TRMT6: variants seen among roughly 807,000 people sequenced by gnomAD.
The protein encoded by TRMT6 is tRNA (adenine(58)-N(1))-methyltransferase non-catalytic subunit TRM6.
In TRMT6, 34 loss-of-function variants were observed where a neutral mutation model predicts 59.0. That is an observed-to-expected ratio of 0.58 (90% CI 0.44 to 0.77). The LOEUF (loss-of-function observed/expected upper bound fraction) is 0.77, where lower values mean the gene tolerates loss of function less well. Ranked by LOEUF, TRMT6 falls within the 30% of genes least tolerant of loss-of-function variation. The pLI is 0.00. For synonymous variants in TRMT6, 217 were observed against 210.5 expected (o/e 1.03, Z -0.27); for missense variants, 575 against 604.5 (o/e 0.95, Z 0.51).
At chr20:5,938,944 CTCTT>C (rs962192857) in intron 10 of TRMT6, among the ~76,000 whole-genome samples, 3 of 139,896 alleles carry the variant, frequency 2.1e-5, no homozygotes, top group Non-Finnish European at 4.6e-5. Context: ...TTCTCTCTCT[CTCTT>C]TCTTTTTAAG....
intron 2 of TRMT6, 140 bp downstream of exon 2, chr20:5,946,266 C>G: frequency 2.0e-6 from 2 of 1,015,998 alleles, no homozygotes; most frequent in Non-Finnish European, 2.9e-6. Context: ...TGCTTCACTC[C>G]ACTGAGCTGC....
At position 5,938,627 on chromosome 20, in the gene TRMT6, T is replaced by A. The variant is rs1364140448; in HGVS notation, c.1402A>T (p.Thr468Ser). Residue 468 changes from threonine (T) to serine (S), a missense_variant, in exon 11 of 11, where the codon ACC (threonine) becomes TCC (serine). Transcript: ENST00000203001. The stretch of plus-strand genomic sequence containing the variant: ...GTGCTTGCATTAGATTTGAGGCTGG[T>A]GTCTGCTTTAAGGTTGTCCATGGCA... ...TVAMDNLKAD[T>S]SLKSNASTLE... 1 of 1,614,220 alleles carries A rather than the reference T, an allele frequency of 6.2e-7. No individual in the cohort carries two copies. Among genetic ancestry groups the A allele is most frequent in the Admixed American group, 1.7e-5 (1 of 60,032 alleles).
intron 3 of TRMT6, among the ~76,000 whole-genome samples, 193 bp downstream of exon 3, chr20:5,944,612 C>T (rs111819164): frequency 1.6e-4 from 25 of 152,184 alleles, no homozygotes; most frequent in African/African-American, 5.5e-4. Flanking sequence ...TTAGTAATGT[C>T]ATTCACTTAT....
At chr20:5,944,414 G>C (rs1052364362) in intron 3 of TRMT6, among the ~76,000 whole-genome samples, 161 bp from the exon 4 acceptor site, 1 of 151,998 alleles carries the variant, frequency 6.6e-6, no homozygotes, top group Non-Finnish European at 1.5e-5. Flanking sequence ...TACTCTATTT[G>C]GAATTTATAA....
intron 1 of TRMT6, among the ~76,000 whole-genome samples, 164 bp downstream of exon 1, chr20:5,950,114 G>A (rs755231293): frequency 6.6e-6 from 1 of 152,096 alleles, no homozygotes; most frequent in Admixed American, 6.5e-5. Context: ...TGGTGGAAAA[G>A]CCTTCTGTGA....
At chr20:5,942,098 C>T (rs1412259365) in intron 7 of TRMT6, 62 bp from the exon 8 acceptor site, 3 of 1,358,620 alleles carry the variant, frequency 2.2e-6, no homozygotes, top group Non-Finnish European at 2.1e-6. Context: ...TATGGAAATG[C>T]TCTGGCCTGT....
In TRMT6 at chr20:5,941,065, G is replaced by A; in HGVS notation, c.1290C>T (p.Leu430=). 6.2e-7 allele frequency: 1 copy of A among 1,614,028 alleles called. No individual in the cohort carries two copies. Reference sequence around the variant, plus strand: ...TAAGAACACGTACCTGATAATTTCTGAGCCAGGTTTCAGACAGCCTGAGGT... The same window carrying A: ...TAAGAACACGTACCTGATAATTTCTAAGCCAGGTTTCAGACAGCCTGAGGT... The part of the protein sequence containing the change: ...VINLRLSETW[L]RNYQVLPDRS... The change falls in exon 10 of 11, where the codon CTC becomes CTT. Residue 430 remains leucine (L), a synonymous_variant. Transcript: ENST00000203001.
At position 5,941,324 on chromosome 20, in the gene TRMT6, G is replaced by C. The variant is rs375555179; in HGVS notation, c.1134C>G (p.Phe378Leu). Residue 378 changes from phenylalanine to leucine, a missense_variant, in exon 9 of 11, where the codon TTC becomes TTG. Transcript: ENST00000203001. Reference protein sequence around the residue: ...NADGLIVASRFHPTPLLLSLL... With the variant: ...NADGLIVASRLHPTPLLLSLL... ...AAGACAGCAGCAGGGGAGTGGGGTG[G>C]AAACGACTAGCTACAATTAAACTGT... 2.5e-6 allele frequency: 4 copies of C among 1,614,060 alleles called. No individual in the cohort carries two copies. The highest frequency in any genetic ancestry group is 3.4e-6 in the Non-Finnish European group (4 of 1,179,996).
rs927639841 is a variant in TRMT6, at chr20:5,942,786, C to T, written c.668G>A (p.Gly223Asp). 5 of 1,609,198 alleles carry T rather than the reference C, an allele frequency of 3.1e-6. No homozygotes were observed. The highest frequency in any genetic ancestry group is 1.1e-5 in the South Asian group (1 of 90,952). Residue 223 changes from glycine (G) to aspartate (D), a missense_variant and splice_region_variant, in exon 7 of 11, where the codon GGT (glycine) becomes GAT (aspartate). Transcript: ENST00000203001. ...GTATAGCTGAATAATGGAGCCAAAACCTGAACAGATAAAAGAAACAAACAT... is the reference window on the plus strand; with the variant it reads ...GTATAGCTGAATAATGGAGCCAAAATCTGAACAGATAAAAGAAACAAACAT... ...VLGAMMERMGGFGSIIQLYPG... is the reference protein window; with the variant it reads ...VLGAMMERMGDFGSIIQLYPG...
At position 5,950,379 on chromosome 20, in the gene TRMT6, G is replaced by C; in HGVS notation, c.27C>G (p.Gly9=). Residue 9 remains glycine (G), a synonymous_variant, in exon 1 of 11, where the codon GGC becomes GGG. Transcript: ENST00000203001. MEGSGEQP[G]PQPQHPGDHR... ...GGTCTCCGGGATGCTGTGGTTGTGGGCCCGGCTGCTCCCCTGAGCCCTCCA... is the reference window on the plus strand; with the variant it reads ...GGTCTCCGGGATGCTGTGGTTGTGGCCCCGGCTGCTCCCCTGAGCCCTCCA... The C allele has an allele frequency of 6.2e-7, 1 of 1,606,790 alleles. No individual in the cohort carries two copies. The highest frequency in any genetic ancestry group is 1.1e-5 in the South Asian group (1 of 91,044).
chr20:5,947,201 A>T (rs1414523186), intron 1 of TRMT6, among the ~76,000 whole-genome samples: 1 of 152,204 alleles, frequency 6.6e-6, no homozygotes, highest in Non-Finnish European at 1.5e-5. Flanking sequence ...CTGGGATTCA[A>T]ATTCAAATCT....
chr20:5,945,488 C>T (rs2088698054), intron 2 of TRMT6, among the ~76,000 whole-genome samples: 1 of 152,222 alleles, frequency 6.6e-6, no homozygotes, highest in Non-Finnish European at 1.5e-5. Flanking sequence ...GCTTTATTAT[C>T]TTCATAGCAT....
chr20:5,945,571 C>T (rs2122607521), intron 2 of TRMT6, among the ~76,000 whole-genome samples: 1 of 152,346 alleles, frequency 6.6e-6, no homozygotes, highest in East Asian at 1.9e-4. Context: ...AACTGGTAAG[C>T]ACATTTTATA....
Position 5,938,495 on chromosome 20 carries a change from T to C in TRMT6, c.*40A>G, listed in dbSNP as rs747966816. 6.3e-7 allele frequency: 1 copy of C among 1,585,166 alleles called. No individual in the cohort carries two copies. The highest frequency in any genetic ancestry group is 8.6e-7 in the Non-Finnish European group (1 of 1,162,112). On this transcript the variant is annotated 3_prime_UTR_variant, in exon 11 of 11. Coordinates refer to ENST00000203001, the MANE Select transcript of TRMT6 (RefSeq NM_015939.5). ...ATTTAAAGTTTAATTACTAACTGTATAATGCCTGAGAACAAAATTCAGAGC... is the reference window on the plus strand; with the variant it reads ...ATTTAAAGTTTAATTACTAACTGTACAATGCCTGAGAACAAAATTCAGAGC...
At position 5,942,656 on chromosome 20, in the gene TRMT6, T is replaced by C; in HGVS notation, c.798A>G (p.Leu266=). The C allele has an allele frequency of 6.8e-6, 11 of 1,614,196 alleles. No homozygotes were observed. Among genetic ancestry groups the C allele is most frequent in the Non-Finnish European group, 9.3e-6 (11 of 1,180,034 alleles). ...EFPLNKVDSL[L]HGTFSAKMLS... is the part of the protein sequence containing the mutation. ...ACATCTTGGCAGAAAATGTTCCATGTAGAAGACTGTCCACTTTGTTGAGAG... is the reference window on the plus strand; with the variant it reads ...ACATCTTGGCAGAAAATGTTCCATGCAGAAGACTGTCCACTTTGTTGAGAG... The change falls in exon 7 of 11, where the codon CTA becomes CTG. Residue 266 remains leucine (L), a synonymous_variant. Coordinates refer to ENST00000203001, the MANE Select transcript of TRMT6 (RefSeq NM_015939.5).
In TRMT6 at chr20:5,938,180, C is replaced by T. The variant is rs2088623743; in HGVS notation, c.*355G>A. 1 of 171,624 alleles carries T rather than the reference C, an allele frequency of 5.8e-6. No homozygotes were observed. The highest frequency in any genetic ancestry group is 6.1e-5 in the Admixed American group (1 of 16,480). The allele number at this position is 171,624 out of a possible 1,614,324, so 10.6% of individuals were successfully genotyped here. On this transcript the variant is annotated 3_prime_UTR_variant, in exon 11 of 11. Coordinates refer to ENST00000203001, the MANE Select transcript of TRMT6 (RefSeq NM_015939.5). ...TGAATTGCCCTCCTTTCGGTACCCG[C>T]CATGTTTTAGTTACGTTGTATTATT... is the stretch of plus-strand genomic sequence containing the variant.
In TRMT6 at chr20:5,943,793, T is replaced by C. The variant is rs186359710; in HGVS notation, c.543-110A>G. 3.3e-3 allele frequency: 5,069 copies of C among 1,537,348 alleles called. 14 individuals are homozygous for C. Among genetic ancestry groups the C allele is most frequent in the Non-Finnish European group, 3.5e-3 (4,016 of 1,144,010 alleles). ...ATTAAAATTGTGTTGATAAGATTAT[T>C]GATTGCTTTGGAGGTGACAGTAAAA... On this transcript the variant is annotated intron_variant, in intron 5 of 10. Transcript: ENST00000203001.
At position 5,938,778 on chromosome 20, in the gene TRMT6, G is replaced by A. The variant is rs543238352; in HGVS notation, c.1303-52C>T. 2.2e-5 allele frequency: 34 copies of A among 1,522,738 alleles called. No homozygotes were observed. The East Asian group carries it at 6.8e-4, about 30-fold the overall frequency. The allele number at this position is 1,522,738 out of a possible 1,614,324, so 94.3% of individuals were successfully genotyped here. A position where few individuals can be genotyped will look rare whatever the true frequency, so the allele number is the denominator to read the frequency against. ...GCTTTCCTAAGACAATAAAGTCCAT[G>A]CTAACAACACATATACCAAAAATCA... On this transcript the variant is annotated intron_variant, in intron 10 of 10. Transcript: ENST00000203001.
In TRMT6 at chr20:5,938,744, G is replaced by A. The variant is rs2088630196; in HGVS notation, c.1303-18C>T. On this transcript the variant is annotated intron_variant, in intron 10 of 10. Coordinates refer to ENST00000203001, the MANE Select transcript of TRMT6 (RefSeq NM_015939.5). The stretch of plus-strand genomic sequence containing the variant: ...GGCAAAACCTAATCAAGACAGAAAA[G>A]ACATTCATGCTTTCCTAAGACAATA... 6.2e-7 allele frequency: 1 copy of A among 1,609,848 alleles called. No homozygotes were observed. Among genetic ancestry groups the A allele is most frequent in the South Asian group, 1.1e-5 (1 of 90,796 alleles).
Sources: allele counts gnomAD v4.1 joint callset (sites outside exome capture counted in the v4.1 genomes callset), GRCh38; gene constraint gnomAD v4.1.1; transcripts MANE v1.5; gene names NCBI Gene and HGNC (gene_info 2026-07-23, HGNC 2026-07-21).